The following SPTY2D1 variants were observed in gnomAD, a reference collection of about 807,000 sequenced individuals.
SPTY2D1 encodes SPT2 chromatin protein domain containing 1.
SPTY2D1 carries 21 observed loss-of-function variants against 64.0 expected under a neutral mutation model. The ratio of observed to expected loss-of-function variants is 0.33; its 90% confidence interval spans 0.23 to 0.47. The LOEUF (loss-of-function observed/expected upper bound fraction) is 0.47. SPTY2D1 is among the 20% of genes least tolerant of loss of function. The pLI, the probability that SPTY2D1 is intolerant of heterozygous loss-of-function variation, is 1.00. For missense variants in SPTY2D1, 724 were observed against 837.2 expected (o/e 0.86, Z 1.67); for synonymous variants, 287 against 286.8 (o/e 1.00, Z -0.01).
chr11:18,628,145 C>T (rs965660256), intron 1 of SPTY2D1, among the ~76,000 whole-genome samples: 10 of 152,190 alleles, frequency 6.6e-5, no homozygotes, highest in African/African-American at 1.7e-4. Flanking sequence ...GAAACACTGC[C>T]TACTACCGAA....
Position 18,616,041 on chromosome 11 carries a change from T to A in SPTY2D1, c.233A>T (p.His78Leu), listed in dbSNP as rs1248011724. 2 of 1,613,692 alleles carry A rather than the reference T, an allele frequency of 1.2e-6. No homozygotes were observed. Among genetic ancestry groups the A allele is most frequent in the Non-Finnish European group, 1.7e-6 (2 of 1,179,826 alleles). ...ELVKKRIELKHDKKARAMAKR... is the reference protein window; with the variant it reads ...ELVKKRIELKLDKKARAMAKR... ...GGCCATAGCTCTTGCTTTCTTGTCA[T>A]GTTTGAGCTCAATTCGCTTTTTCAC... The change falls in exon 3 of 6, where the codon CAT becomes CTT. Residue 78 changes from histidine to leucine, a missense_variant. By Grantham distance (99) the His-to-Leu change is moderately conservative. This residue lies in a region of SPTY2D1 where 179 missense variants were observed against 232.5 expected (regional missense o/e 0.77). Coordinates refer to ENST00000336349, the MANE Select transcript of SPTY2D1 (RefSeq NM_194285.3).
intron 3 of SPTY2D1, among the ~76,000 whole-genome samples, chr11:18,613,295 A>T (rs1330698761): frequency 1.3e-5 from 2 of 152,260 alleles, no homozygotes; most frequent in Non-Finnish European, 2.9e-5. Context: ...TTTTACCAAA[A>T]GACTGATAAA....
At chr11:18,632,140 G>A (rs924997016) in intron 1 of SPTY2D1, among the ~76,000 whole-genome samples, 3 of 150,374 alleles carry the variant, frequency 2.0e-5, no homozygotes, top group African/African-American at 7.4e-5. Flanking sequence ...ACGACAGAGT[G>A]AGACTCTATC....
chr11:18,611,581 A>G (rs1854207162), intron 4 of SPTY2D1, 27 bp from the exon 5 acceptor site: 1 of 1,599,410 alleles, frequency 6.3e-7, no homozygotes, highest in South Asian at 1.1e-5. Context: ...AAAATGATAA[A>G]AAGAGAAAAC....
Position 18,611,554 on chromosome 11 carries a change from T to A in SPTY2D1, c.1887A>T (p.Lys629Asn). The change falls in exon 5 of 6, where the codon AAA becomes AAT. Residue 629 changes from lysine (K) to asparagine (N), a missense_variant and splice_region_variant. Physicochemically the swap from Lys to Asn is moderately conservative, Grantham distance 94. Transcript: ENST00000336349. ...IREIFGYDRK[K>N]YKDESDYALR... The stretch of plus-strand genomic sequence containing the variant: ...AGGCATAATCACTTTCATCTTTGTA[T>A]CTGATAAAAGGAAATCAAAATGATA... The A allele has an allele frequency of 6.2e-7, 1 of 1,612,804 alleles. No individual in the cohort carries two copies. Among genetic ancestry groups the A allele is most frequent in the Non-Finnish European group, 8.5e-7 (1 of 1,179,166 alleles).
intron 1 of SPTY2D1, 51 bp downstream of exon 1, chr11:18,634,147 C>G: frequency 6.2e-7 from 1 of 1,607,156 alleles, no homozygotes; most frequent in South Asian, 1.1e-5. Context: ...ACACACATTC[C>G]GAACTTGGAA....
rs143521328 is a variant in SPTY2D1 at position 18,631,119 on chromosome 11, G to A, written c.60+3079C>T. Reference sequence around the variant, plus strand: ...CTCCCAAAGTGCTGGGATTAAAGGTGTGAGCCACAGCACCCAGCCAGAAAT... The same window carrying A: ...CTCCCAAAGTGCTGGGATTAAAGGTATGAGCCACAGCACCCAGCCAGAAAT... On this transcript the variant is annotated intron_variant, in intron 1 of 5. Transcript: ENST00000336349. Among the ~76,000 whole-genome samples, 880 of 152,328 alleles carry A rather than the reference G, an allele frequency of 5.8e-3. 7 individuals are homozygous for A. The highest frequency in any genetic ancestry group is 0.031 in the Middle Eastern group (9 of 294).
At chr11:18,631,496 G>A (rs1399209066) in intron 1 of SPTY2D1, among the ~76,000 whole-genome samples, 1 of 151,390 alleles carries the variant, frequency 6.6e-6, no homozygotes, top group Non-Finnish European at 1.5e-5. Flanking sequence ...GGCGGAGCTT[G>A]CAGTGAGCCA....
At chr11:18,633,590 T>C (rs1854622727) in intron 1 of SPTY2D1, among the ~76,000 whole-genome samples, 2 of 152,322 alleles carry the variant, frequency 1.3e-5, no homozygotes, top group East Asian at 1.9e-4. Flanking sequence ...AAGCTGAAAC[T>C]AGCTCACCTA....
At chr11:18,617,577 G>A (rs1330966926) in intron 1 of SPTY2D1, among the ~76,000 whole-genome samples, 2 of 138,728 alleles carry the variant, frequency 1.4e-5, no homozygotes, top group African/African-American at 5.4e-5. Flanking sequence ...AGTGAGCCGA[G>A]ATTGTGCCAC....
chr11:18,629,421 T>C (rs1854550331), intron 1 of SPTY2D1, among the ~76,000 whole-genome samples: 1 of 152,064 alleles, frequency 6.6e-6, no homozygotes, highest in Non-Finnish European at 1.5e-5. Flanking sequence ...GGAGAATCGC[T>C]TGACCCCGGG....
intron 1 of SPTY2D1, among the ~76,000 whole-genome samples, chr11:18,621,574 A>C (rs1179647800): frequency 6.6e-6 from 1 of 152,164 alleles, no homozygotes; most frequent in Non-Finnish European, 1.5e-5. Context: ...AGGATACTTA[A>C]GCTGGTCTCA....
chr11:18,621,839 C>T (rs1255472852), intron 1 of SPTY2D1, among the ~76,000 whole-genome samples: 1 of 151,992 alleles, frequency 6.6e-6, no homozygotes, highest in Non-Finnish European at 1.5e-5. Flanking sequence ...GTAATTCCAG[C>T]ACTTTGGGAG....
intron 1 of SPTY2D1, among the ~76,000 whole-genome samples, chr11:18,632,956 C>G (rs1854612114): frequency 6.6e-6 from 1 of 152,100 alleles, no homozygotes; most frequent in East Asian, 1.9e-4. Context: ...ATTGATTCAT[C>G]TGGAAAATTT....
chr11:18,632,008 TG>T (rs1158908415), intron 1 of SPTY2D1, among the ~76,000 whole-genome samples: 1 of 152,090 alleles, frequency 6.6e-6, no homozygotes, highest in East Asian at 1.9e-4. Flanking sequence ...TAGCTTGATG[TG>T]GTGACAGGTG....
rs193174398 is a variant in SPTY2D1 at position 18,626,083 on chromosome 11, G to C, written c.60+8115C>G. On this transcript the variant is annotated intron_variant, in intron 1 of 5. Coordinates refer to ENST00000336349, the MANE Select transcript of SPTY2D1 (RefSeq NM_194285.3). ...TCCACCCACCTCAGCTTCCCAAAGA[G>C]CTGGGATTACAGGCGTGAGCCACAA... Among the ~76,000 whole-genome samples the C allele has an allele frequency of 5.2e-4, 79 of 152,250 alleles. 2 individuals are homozygous for C. Among genetic ancestry groups the C allele is most frequent in the Non-Finnish European group, 4.4e-5 (3 of 68,024 alleles).
At chr11:18,632,478 A>G (rs1359121102) in intron 1 of SPTY2D1, among the ~76,000 whole-genome samples, 3 of 151,858 alleles carry the variant, frequency 2.0e-5, no homozygotes, top group Non-Finnish European at 4.4e-5. Flanking sequence ...CCTCCCAAGT[A>G]GCTGGGATTA....
Position 18,606,931 on chromosome 11 carries a change from G to GCTGA in SPTY2D1, c.*2926_*2929dup, listed in dbSNP as rs1385696812. On this transcript the variant is annotated 3_prime_UTR_variant, in exon 6 of 6. Transcript: ENST00000336349. ...CCTGGAGTGCAGTGGTGCTATCTTG[G>GCTGA]CTGACTGCAACCTCCGCCTCCCAGG... 7.9e-5 allele frequency: 24 copies of GCTGA among 303,032 alleles called. No individual in the cohort carries two copies. The highest frequency in any genetic ancestry group is 3.7e-4 in the African/African-American group (16 of 42,722). The allele number at this position is 303,032 out of a possible 1,614,324, so 18.8% of individuals were successfully genotyped here.
In SPTY2D1 at chr11:18,614,901, G is replaced by C. The variant is rs776545752; in HGVS notation, c.1373C>G (p.Pro458Arg). The change falls in exon 3 of 6, where the codon CCC (proline) becomes CGC (arginine). Residue 458 changes from proline (P) to arginine (R), a missense_variant. By Grantham distance (103) the Pro-to-Arg change is moderately radical (BLOSUM62 -2). This residue lies in a region of SPTY2D1 where 426 missense variants were observed against 431.8 expected (regional missense o/e 0.99). Transcript: ENST00000336349. ...PISGSVSSAR[P>R]LGSSRGPGRP... is the part of the protein sequence containing the mutation. ...GCCAGGGCCACGAGAGCTGCCCAAG[G>C]GTCTTGCAGAACTAACTGAACCACT... is the stretch of plus-strand genomic sequence containing the variant. 5.8e-5 allele frequency: 94 copies of C among 1,613,410 alleles called. No individual in the cohort carries two copies. The East Asian group carries it at 2.1e-3, about 36-fold the overall frequency.
Sources: gnomAD v4.1 joint callset for allele counts (sites outside exome capture counted in the v4.1 genomes callset) on GRCh38, gnomAD v4.1.1 for gene constraint, gnomAD v4.1.1 regional missense constraint, MANE v1.5 for transcripts, NCBI Gene and HGNC (gene_info 2026-07-23, HGNC 2026-07-21) for gene names.